The following C2CD4D variants were observed in gnomAD, a reference collection of about 807,000 sequenced individuals.
The protein encoded by C2CD4D is C2 calcium dependent domain containing 4D.
In C2CD4D, 1 loss-of-function variant was observed where a neutral mutation model predicts 0.2. The ratio of observed to expected loss-of-function variants is 4.00; its 90% confidence interval spans 1.42 to 18.99. The LOEUF (loss-of-function observed/expected upper bound fraction) is 18.99, where lower values mean the gene tolerates loss of function less well. Ranked by LOEUF, C2CD4D falls within the 30% of genes most tolerant of loss-of-function variation. The pLI is 0.11. For missense variants in C2CD4D, 552 were observed against 551.2 expected, an observed-to-expected ratio of 1.00 and a Z score of -0.01; for synonymous variants, 269 against 279.8, an observed-to-expected ratio of 0.96 and a Z score of 0.39.
At position 151,838,005 on chromosome 1, in the gene C2CD4D, G is replaced by C. The variant is rs762570173; in HGVS notation, c.985C>G (p.Leu329Val). ...CCCAGCGGGGGCAGCAGCGCAATGAGGGGCGTCTCGCACTCCCCCAGCAGC... is the reference window on the plus strand; with the variant it reads ...CCCAGCGGGGGCAGCAGCGCAATGACGGGCGTCTCGCACTCCCCCAGCAGC... Residue 329 changes from leucine to valine, a missense_variant, in exon 2 of 2, where the codon CTC becomes GTC. Leu to Val is a conservative substitution (Grantham distance 32). Coordinates refer to ENST00000454109, the Ensembl canonical transcript of C2CD4D. The C allele has an allele frequency of 3.2e-5, 49 of 1,551,186 alleles. No individual in the cohort carries two copies. The highest frequency in any genetic ancestry group is 2.1e-4 in the South Asian group (18 of 84,010).
chr1:151,838,268 G>A, exon 2 of C2CD4D: 1 of 1,321,586 alleles, frequency 7.6e-7, no homozygotes, highest in Non-Finnish European at 9.7e-7. Flanking sequence ...CAGGCCCTCG[G>A]CGCTCACTAG....
In C2CD4D at chr1:151,838,575, CG is replaced by C. The variant is rs1199406398; in HGVS notation, c.414del (p.Asp139ThrfsTer100). ...TCCGGCGACGAGGCCGTGTCGCTGT[CG>C]GGGGCCCGGCAGAGGCGCAGGTCCG... is the stretch of plus-strand genomic sequence containing the variant. On this transcript the variant is annotated frameshift_variant, in exon 2 of 2. Transcript: ENST00000454109. LOFTEE classifies it low-confidence loss of function (END_TRUNC). 3 of 1,315,868 alleles carry C rather than the reference CG, an allele frequency of 2.3e-6. No homozygotes were observed. The highest frequency in any genetic ancestry group is 2.9e-6 in the Non-Finnish European group (3 of 1,037,372). 81.5% of individuals were successfully genotyped at this position (1,315,868 alleles called of 1,614,324 possible).
chr1:151,837,871 G>C lies in C2CD4D; in HGVS notation c.*57C>G. Reference sequence around the variant, plus strand: ...AAATAAATACAAGCCGGGCAGGGTGGAAAGAATGTGGACTGCAGACACAGT... The same window carrying C: ...AAATAAATACAAGCCGGGCAGGGTGCAAAGAATGTGGACTGCAGACACAGT... On this transcript the variant is annotated 3_prime_UTR_variant, in exon 2 of 2. Coordinates refer to ENST00000454109, the Ensembl canonical transcript of C2CD4D. 4 of 1,440,586 alleles carry C rather than the reference G, an allele frequency of 2.8e-6. No homozygotes were observed. The South Asian group carries it at 6.0e-5, about 22-fold the overall frequency. The allele number at this position is 1,440,586 out of a possible 1,614,324, so 89.2% of individuals were successfully genotyped here. A position where few individuals can be genotyped will look rare whatever the true frequency, so the allele number is the denominator to read the frequency against.
At chr1:151,838,650 G>T in exon 2 of C2CD4D, 3 of 1,354,162 alleles carry the variant, frequency 2.2e-6, no homozygotes, top group Non-Finnish European at 2.8e-6. Flanking sequence ...CCCCCGGCCG[G>T]GGCAGGTGGC....
At chr1:151,839,203 G>T in exon 2 of C2CD4D, 1 of 557,230 alleles carries the variant, frequency 1.8e-6, no homozygotes. Context: ...AAAAGAAAGG[G>T]CGGCGCAGTC....
exon 2 of C2CD4D, chr1:151,838,833 T>C: frequency 1.4e-6 from 2 of 1,474,950 alleles, no homozygotes; most frequent in African/African-American, 3.0e-5. Flanking sequence ...CGAGGCGGGA[T>C]GAAGAACTGC....
exon 2 of C2CD4D, chr1:151,839,014 C>G: frequency 6.5e-7 from 1 of 1,547,322 alleles, no homozygotes; most frequent in Non-Finnish European, 8.7e-7. Context: ...AATGGAATTC[C>G]GAATTCCGCA....
chr1:151,839,143 G>T, exon 2 of C2CD4D: 1 of 801,666 alleles, frequency 1.2e-6, no homozygotes, highest in Non-Finnish European at 1.9e-6. Context: ...GTCAGCCACC[G>T]CGCCCCGGTC....
exon 2 of C2CD4D, chr1:151,838,435 G>T: frequency 7.0e-7 from 1 of 1,419,680 alleles, no homozygotes; most frequent in Non-Finnish European, 9.2e-7. Context: ...GCCCGGCGCG[G>T]CGCGGCGAGT....
exon 2 of C2CD4D, chr1:151,837,905 C>T: frequency 6.7e-7 from 1 of 1,497,120 alleles, no homozygotes; most frequent in Non-Finnish European, 9.0e-7. Context: ...GTGGAGACGT[C>T]CTGAGGAAGC....
At chr1:151,838,127 T>A in exon 2 of C2CD4D, 1 of 1,551,302 alleles carries the variant, frequency 6.4e-7, no homozygotes, top group Non-Finnish European at 8.7e-7. Flanking sequence ...AAAGAAATCC[T>A]CGTTGAAGAT....
exon 2 of C2CD4D, chr1:151,838,380 G>A: frequency 7.0e-7 from 1 of 1,437,008 alleles, no homozygotes; most frequent in Non-Finnish European, 9.1e-7. Flanking sequence ...GTGGGCCGCA[G>A]CTGGCAGCAC....
chr1:151,838,082 C>A, exon 2 of C2CD4D: 5 of 1,551,390 alleles, frequency 3.2e-6, no homozygotes, highest in Non-Finnish European at 3.5e-6. Flanking sequence ...TCTCAGGCTG[C>A]GGGCGGCCAG....
exon 2 of C2CD4D, chr1:151,838,411 C>T: frequency 7.0e-7 from 1 of 1,434,214 alleles, no homozygotes; most frequent in Admixed American, 2.8e-5. Context: ...GGTGGAAGAG[C>T]GGCGGCGTGG....
At chr1:151,840,555 T>G (rs899792446) in exon 1 of C2CD4D, 3 of 152,262 alleles carry the variant, frequency 2.0e-5, no homozygotes, top group African/African-American at 7.2e-5. Flanking sequence ...TCTGCATTAT[T>G]CTGGCTAATA....
rs950088856 is a variant in C2CD4D at position 151,838,645 on chromosome 1, G to T, written c.345C>A (p.Ala115=). 21 of 1,339,056 alleles carry T rather than the reference G, an allele frequency of 1.6e-5. No homozygotes were observed. In the African/African-American group the frequency reaches 2.8e-4, roughly 18 times the overall value. The allele number at this position is 1,339,056 out of a possible 1,614,324, so 82.9% of individuals were successfully genotyped here. A position where few individuals can be genotyped will look rare whatever the true frequency, so the allele number is the denominator to read the frequency against. Reference sequence around the variant, plus strand: ...GGGACTGCGCCGCGGGGAGTCCCCCGGCCGGGGCAGGTGGCGGCCCGTGGA... The same window carrying T: ...GGGACTGCGCCGCGGGGAGTCCCCCTGCCGGGGCAGGTGGCGGCCCGTGGA... Residue 115 remains alanine (A), a synonymous_variant, in exon 2 of 2, where the codon GCC becomes GCA. Coordinates refer to ENST00000454109, the Ensembl canonical transcript of C2CD4D.
At chr1:151,840,311 C>T (rs1165317962) in exon 1 of C2CD4D, 1 of 152,454 alleles carries the variant, frequency 6.6e-6, no homozygotes, top group Non-Finnish European at 1.5e-5. Flanking sequence ...TGTGCCCAGG[C>T]CTCCTCTGCT....
At chr1:151,838,725 C>T (rs1367112021) in exon 2 of C2CD4D, 1 of 1,340,626 alleles carries the variant, frequency 7.5e-7, no homozygotes, top group Non-Finnish European at 9.5e-7. Context: ...GCCCAGCCTT[C>T]GCGGCCCGCC....
Position 151,838,725 on chromosome 1 carries a change from C to A in C2CD4D, c.265G>T (p.Glu89Ter). 1 of 1,340,628 alleles carries A rather than the reference C, an allele frequency of 7.5e-7. No individual in the cohort carries two copies. The highest frequency in any genetic ancestry group is 9.5e-7 in the Non-Finnish European group (1 of 1,049,668). The allele number at this position is 1,340,628 out of a possible 1,614,324, so 83.0% of individuals were successfully genotyped here. ...CTCTCGGGCAGGAAGGCCCAGCCTT[C>A]GCGGCCCGCCAGGTGAGGCAGCGAG... Residue 89 changes from glutamate to a stop codon, truncating the protein, a stop_gained, in exon 2 of 2, where the codon GAA (glutamate) becomes TAA (stop). Coordinates refer to ENST00000454109, the Ensembl canonical transcript of C2CD4D. LOFTEE classifies it low-confidence loss of function (END_TRUNC).
Sources: allele counts gnomAD v4.1 joint callset, GRCh38; gene constraint gnomAD v4.1.1; transcripts MANE v1.5; gene names NCBI Gene and HGNC (gene_info 2026-07-23, HGNC 2026-07-21).